The following DDB1 variants were observed in gnomAD, a reference collection of about 807,000 sequenced individuals.
DDB1 encodes the protein DNA damage-binding protein 1.
A neutral mutation model predicts 133.1 loss-of-function variants in DDB1; 18 were observed. The ratio of observed to expected loss-of-function variants is 0.14; its 90% CI spans 0.09 to 0.20. The LOEUF is 0.20. Ranked by LOEUF, DDB1 falls within the 10% of genes least tolerant of loss-of-function variation. DDB1 has a pLI of 1.00. For synonymous variants in DDB1, 580 were observed against 550.5 expected, an observed-to-expected ratio of 1.05 and a Z score of -0.75; for missense variants, 828 against 1,459.2, an observed-to-expected ratio of 0.57 and a Z score of 7.05.
Position 61,300,114 on chromosome 11 carries a change from C to T in DDB1, c.*22G>A, listed in dbSNP as rs759244080. On this transcript the variant is annotated 3_prime_UTR_variant, in exon 27 of 27. Transcript: ENST00000301764. ...GGGCAAAGCCTTTGGGGAGGGTCAG[C>T]AAAGGGGCCCCCTGCCCTTGGCTAA... 1 of 1,613,614 alleles carries T rather than the reference C, an allele frequency of 6.2e-7. No individual in the cohort carries two copies. Among genetic ancestry groups the T allele is most frequent in the Non-Finnish European group, 8.5e-7 (1 of 1,179,876 alleles).
intron 6 of DDB1, among the ~76,000 whole-genome samples, chr11:61,324,675 G>C (rs1856240753): frequency 6.6e-6 from 1 of 152,146 alleles, no homozygotes. Flanking sequence ...ACTTGCCACT[G>C]TAGCCAGCTA....
At chr11:61,314,526 G>C in intron 12 of DDB1, 40 bp from the exon 13 acceptor site, 1 of 1,578,124 alleles carries the variant, frequency 6.3e-7, no homozygotes, top group South Asian at 1.2e-5. Context: ...CCAAGCATCT[G>C]CCAGGGTCCA....
rs1296641749 is a variant in DDB1 at position 61,331,624 on chromosome 11, C to A, written c.129G>T (p.Val43=). 1 of 1,614,156 alleles carries A rather than the reference C, an allele frequency of 6.2e-7. No individual in the cohort carries two copies. The stretch of plus-strand genomic sequence containing the variant: ...CGGGCCGAAGCCCCTCGGCGGTGAC[C>A]ACATAGATCTCTAATCTCGTGTTTT... ...IAKNTRLEIY[V]VTAEGLRPVK... is the part of the protein sequence containing the mutation. Residue 43 remains valine, a synonymous_variant, in exon 2 of 27, where the codon GTG becomes GTT. Coordinates refer to ENST00000301764, the MANE Select transcript of DDB1 (RefSeq NM_001923.5).
At chr11:61,317,255 A>G (rs1230523868) in intron 10 of DDB1, among the ~76,000 whole-genome samples, 1 of 151,362 alleles carries the variant, frequency 6.6e-6, no homozygotes, top group Non-Finnish European at 1.5e-5. Flanking sequence ...CTGGGAAGGC[A>G]GGTGCCCGCC....
chr11:61,316,332 G>C lies in DDB1; in HGVS notation c.1363C>G (p.Gln455Glu), dbSNP rs1289368282. The C allele has an allele frequency of 2.5e-6, 4 of 1,614,032 alleles. No individual in the cohort carries two copies. Among genetic ancestry groups the C allele is most frequent in the Non-Finnish European group, 3.4e-6 (4 of 1,180,034 alleles). The stretch of plus-strand genomic sequence containing the variant: ...ACGTTGCCACAGAAGAAAGTCTGCT[G>C]ATCATCCACGAAACCCATCAGTTCG... ...ETELMGFVDD[Q>E]QTFFCGNVAH... is the part of the protein sequence containing the mutation. Residue 455 changes from glutamine to glutamate, a missense_variant, in exon 12 of 27, where the codon CAG (glutamine) becomes GAG (glutamate). Physicochemically the swap from Gln to Glu is conservative, Grantham distance 29. Transcript: ENST00000301764.
intron 6 of DDB1, 103 bp downstream of exon 6, chr11:61,325,508 C>A: frequency 1.1e-6 from 1 of 902,234 alleles, no homozygotes; most frequent in Non-Finnish European, 1.7e-6. Flanking sequence ...AATTGTGTAA[C>A]AGGCATCTGT....
chr11:61,322,432 T>C lies in DDB1; in HGVS notation c.1006-20A>G. On this transcript the variant is annotated intron_variant, in intron 8 of 26. Coordinates refer to ENST00000301764, the MANE Select transcript of DDB1 (RefSeq NM_001923.5). ...GTTGAGCTAATAAGAAAGAACAATGTTATGTTAGTCCTAGAACACCCTAAC... is the reference window on the plus strand; with the variant it reads ...GTTGAGCTAATAAGAAAGAACAATGCTATGTTAGTCCTAGAACACCCTAAC... 4 of 1,592,430 alleles carry C rather than the reference T, an allele frequency of 2.5e-6. No individual in the cohort carries two copies. The highest frequency in any genetic ancestry group is 3.4e-6 in the Non-Finnish European group (4 of 1,160,110).
chr11:61,314,037 T>C lies in DDB1; in HGVS notation c.1753+10A>G, dbSNP rs1471250216. 1 of 1,614,070 alleles carries C rather than the reference T, an allele frequency of 6.2e-7. No individual in the cohort carries two copies. Among genetic ancestry groups the C allele is most frequent in the East Asian group, 2.2e-5 (1 of 44,870 alleles). On this transcript the variant is annotated intron_variant, in intron 14 of 26. Transcript: ENST00000301764. ...CTCTGTCCCAACCCAGGTCCCTAAA[T>C]GACACATACCTCCACCCAGCATCTC...
intron 12 of DDB1, 112 bp from the exon 13 acceptor site, chr11:61,314,598 G>A: frequency 1.8e-6 from 2 of 1,093,306 alleles, no homozygotes; most frequent in African/African-American, 1.6e-5. Context: ...GCTACATGAG[G>A]CTTCTATTTC....
chr11:61,326,771 C>T lies in DDB1; in HGVS notation c.664+8G>A. On this transcript the variant is annotated splice_region_variant and intron_variant, in intron 5 of 26. Transcript: ENST00000301764. ...GGTGGAGGCACATTTCCTAAACCCCCTACCAACCTGCGATCACCATGGAAG... is the reference window on the plus strand; with the variant it reads ...GGTGGAGGCACATTTCCTAAACCCCTTACCAACCTGCGATCACCATGGAAG... 1 of 1,613,234 alleles carries T rather than the reference C, an allele frequency of 6.2e-7. No individual in the cohort carries two copies. The highest frequency in any genetic ancestry group is 8.5e-7 in the Non-Finnish European group (1 of 1,179,200).
At chr11:61,332,796 C>T in intron 1 of DDB1, 112 bp downstream of exon 1, 1 of 940,564 alleles carries the variant, frequency 1.1e-6, no homozygotes, top group Non-Finnish European at 1.5e-6. Flanking sequence ...CCAGCGCCTT[C>T]CATTCGCCGG....
At chr11:61,324,345 G>A (rs1361837254) in intron 6 of DDB1, 8 of 536,344 alleles carry the variant, frequency 1.5e-5, no homozygotes, top group South Asian at 2.2e-5. Context: ...TTTCTGAGGC[G>A]CTCCATCAAT....
chr11:61,302,190 T>C (rs1367655740), intron 25 of DDB1, 67 bp downstream of exon 25: 7 of 1,362,468 alleles, frequency 5.1e-6, no homozygotes, highest in Non-Finnish European at 7.4e-6. Context: ...TTCCGGGTAA[T>C]GTGACTCCGT....
chr11:61,312,580 G>C (rs572497489), intron 16 of DDB1, among the ~76,000 whole-genome samples: 14 of 144,218 alleles, frequency 9.7e-5, no homozygotes, highest in Admixed American at 4.3e-4. Context: ...TGAAATCTAA[G>C]CTCACTGCAA....
At chr11:61,305,749 C>A (rs879763654) in intron 21 of DDB1, among the ~76,000 whole-genome samples, 4 of 152,134 alleles carry the variant, frequency 2.6e-5, no homozygotes, top group Non-Finnish European at 4.4e-5. Flanking sequence ...CAGACACCAC[C>A]AGAAGGCCAA....
chr11:61,332,189 C>T (rs747050120), intron 1 of DDB1: 2 of 159,540 alleles, frequency 1.3e-5, no homozygotes, highest in African/African-American at 4.8e-5. Flanking sequence ...ATACCTCCAT[C>T]CACACTCAGC....
At chr11:61,316,668 T>C (rs1432875904) in intron 10 of DDB1, 101 bp from the exon 11 acceptor site, 1 of 1,253,824 alleles carries the variant, frequency 8.0e-7, no homozygotes, top group Non-Finnish European at 1.2e-6. Context: ...ATGCCTATAA[T>C]CTCAACACTT....
intron 1 of DDB1, 56 bp from the exon 2 acceptor site, chr11:61,331,747 C>T: frequency 6.2e-7 from 1 of 1,601,308 alleles, no homozygotes; most frequent in Non-Finnish European, 8.5e-7. Context: ...CCCATCCCTT[C>T]AAAATAATCC....
chr11:61,308,813 G>T (rs1301594632), intron 21 of DDB1, among the ~76,000 whole-genome samples, 170 bp downstream of exon 21: 1 of 152,132 alleles, frequency 6.6e-6, no homozygotes, highest in African/African-American at 2.4e-5. Flanking sequence ...TCTAATGCGT[G>T]GTTCAACCTC....
Sources: allele counts gnomAD v4.1 joint callset (sites outside exome capture counted in the v4.1 genomes callset), GRCh38; gene constraint gnomAD v4.1.1; transcripts MANE v1.5; gene names NCBI Gene and HGNC (gene_info 2026-07-23, HGNC 2026-07-21).